Variants in SLC7A2 observed in about 807,000 individuals in gnomAD.
The protein encoded by SLC7A2 is solute carrier family 7 member 2, also known as cationic amino acid transporter 2.
In SLC7A2, 48 loss-of-function variants were observed where a neutral mutation model predicts 58.9. The ratio of observed to expected loss-of-function variants is 0.82; its 90% CI spans 0.65 to 1.04. SLC7A2 has a LOEUF of 1.04. Among genes scored for constraint, SLC7A2 ranks in the 50% least tolerant of loss-of-function variants. SLC7A2 has a pLI of 0.00. For synonymous variants in SLC7A2, 363 were observed against 314.5 expected, an observed-to-expected ratio of 1.15 and a Z score of -1.63; for missense variants, 1,029 against 818.8, an observed-to-expected ratio of 1.26 and a Z score of -3.13.
chr8:17,550,466 G>C, intron 6 of SLC7A2, 32 bp downstream of exon 6: 2 of 1,603,354 alleles, frequency 1.2e-6, no homozygotes, highest in East Asian at 2.2e-5. Context: ...AGTGTAGAAG[G>C]AGTGTTCCTT....
At chr8:17,560,761 C>T (rs962002965) in intron 10 of SLC7A2, among the ~76,000 whole-genome samples, 2 of 152,078 alleles carry the variant, frequency 1.3e-5, no homozygotes, top group African/African-American at 2.4e-5. Flanking sequence ...TACTTCAAGA[C>T]GAGAGTGACA....
chr8:17,499,282 C>G (rs1376462906), intron 1 of SLC7A2: 1 of 151,186 alleles, frequency 6.6e-6, no homozygotes, highest in Non-Finnish European at 1.5e-5. Flanking sequence ...CCCTCCCTCT[C>G]TATCCCTCTT....
At chr8:17,564,274 A>G (rs775739631) in intron 12 of SLC7A2, among the ~76,000 whole-genome samples, 3 of 152,330 alleles carry the variant, frequency 2.0e-5, no homozygotes, top group South Asian at 4.1e-4. Flanking sequence ...TTTATTCCAC[A>G]TATCATTTTG....
chr8:17,515,145 A>G (rs1380647557), intron 2 of SLC7A2, among the ~76,000 whole-genome samples: 1 of 152,170 alleles, frequency 6.6e-6, no homozygotes, highest in Non-Finnish European at 1.5e-5. Context: ...ACGTTTACCA[A>G]CTCAATATTT....
intron 2 of SLC7A2, among the ~76,000 whole-genome samples, chr8:17,504,518 G>T (rs1298451281): frequency 6.6e-6 from 1 of 152,152 alleles, no homozygotes; most frequent in Non-Finnish European, 1.5e-5. Flanking sequence ...AGGTCATTTT[G>T]AGTGACCAAA....
intron 2 of SLC7A2, among the ~76,000 whole-genome samples, chr8:17,536,932 T>A (rs1801691563): frequency 6.6e-6 from 1 of 152,204 alleles, no homozygotes; most frequent in East Asian, 1.9e-4. Context: ...CACCCAGCGT[T>A]AGAAGCGCAG....
chr8:17,502,585 C>G (rs928361030), intron 2 of SLC7A2, among the ~76,000 whole-genome samples: 1 of 152,186 alleles, frequency 6.6e-6, no homozygotes, highest in South Asian at 2.1e-4. Context: ...CACTGATTCA[C>G]TTTCCAGGTT....
Position 17,564,459 on chromosome 8 carries a change from G to T in SLC7A2, c.1781-491G>T, listed in dbSNP as rs77809178. ...ACCTTCTGTGGGGTATCTTACATTT[G>T]CATTTCATTCTTCTAAAGCAGCGGT... On this transcript the variant is annotated intron_variant, in intron 12 of 12. Transcript: ENST00000494857. Among the ~76,000 whole-genome samples the T allele has an allele frequency of 1.5e-3, 227 of 152,290 alleles. 1 individual carries two copies. Among genetic ancestry groups the T allele is most frequent in the Middle Eastern group, 0.014 (4 of 294 alleles).
intron 2 of SLC7A2, among the ~76,000 whole-genome samples, chr8:17,525,910 T>A (rs1449842298): frequency 6.6e-6 from 1 of 152,136 alleles, no homozygotes; most frequent in East Asian, 1.9e-4. Context: ...CAAGCTTTAC[T>A]TTTTGGTAGT....
intron 2 of SLC7A2, among the ~76,000 whole-genome samples, chr8:17,516,533 T>C (rs1563441881): frequency 1.3e-5 from 2 of 152,222 alleles, no homozygotes; most frequent in African/African-American, 4.8e-5. Context: ...CTATGTGTTG[T>C]CTGTTTTAAA....
chr8:17,545,623 C>T (rs1401836653), intron 4 of SLC7A2, among the ~76,000 whole-genome samples: 1 of 151,924 alleles, frequency 6.6e-6, no homozygotes, highest in Non-Finnish European at 1.5e-5. Flanking sequence ...GTCTCAAACT[C>T]CTGACCTCAA....
At chr8:17,494,665 C>A (rs939136520), upstream of SLC7A2, among the ~76,000 whole-genome samples, 1 of 152,168 alleles carries the variant, frequency 6.6e-6, no homozygotes, top group Non-Finnish European at 1.5e-5. Flanking sequence ...TTAAGAGACT[C>A]ATACTAAATC....
Position 17,543,320 on chromosome 8 carries a change from C to A in SLC7A2, c.-20C>A. On this transcript the variant is annotated splice_region_variant and 5_prime_UTR_variant, in exon 3 of 13. Transcript: ENST00000494857. ...CTAACCTCCTCCCTTCTGCTCAGGTCGCCTTCGTCAGACGTCAGAATGATT... is the reference window on the plus strand; with the variant it reads ...CTAACCTCCTCCCTTCTGCTCAGGTAGCCTTCGTCAGACGTCAGAATGATT... 1 of 1,598,124 alleles carries A rather than the reference C, an allele frequency of 6.3e-7. No homozygotes were observed. The highest frequency in any genetic ancestry group is 8.5e-7 in the Non-Finnish European group (1 of 1,172,540).
intron 2 of SLC7A2, among the ~76,000 whole-genome samples, chr8:17,523,107 G>A (rs1177948321): frequency 1.3e-5 from 2 of 152,008 alleles, no homozygotes; most frequent in African/African-American, 4.8e-5. Flanking sequence ...GTATACCCAT[G>A]TAACAAACCT....
chr8:17,542,236 T>G (rs763928219), intron 2 of SLC7A2, among the ~76,000 whole-genome samples: 11 of 152,226 alleles, frequency 7.2e-5, no homozygotes, highest in Non-Finnish European at 1.6e-4. Flanking sequence ...GTAGAATACG[T>G]AATGATTAAG....
At chr8:17,554,754 C>A in intron 8 of SLC7A2, 55 bp downstream of exon 8, 1 of 1,531,454 alleles carries the variant, frequency 6.5e-7, no homozygotes, top group South Asian at 1.3e-5. Flanking sequence ...ATCAAGGACT[C>A]TGCATTAAAA....
chr8:17,535,402 CAG>C, intron 2 of SLC7A2, among the ~76,000 whole-genome samples: 1 of 152,264 alleles, frequency 6.6e-6, no homozygotes, highest in East Asian at 1.9e-4. Context: ...CCGTCACAGT[CAG>C]AGTTAGGAGC....
chr8:17,516,785 G>C (rs938092626), intron 2 of SLC7A2, among the ~76,000 whole-genome samples: 10 of 152,146 alleles, frequency 6.6e-5, no homozygotes, highest in African/African-American at 2.2e-4. Context: ...GAAAAAGATG[G>C]TTTAAGCATT....
In SLC7A2 at chr8:17,565,056, A is replaced by G. The variant is rs764431189; in HGVS notation, c.1887A>G (p.Ala629=). 8 of 1,614,062 alleles carry G rather than the reference A, an allele frequency of 5.0e-6. No homozygotes were observed. The highest frequency in any genetic ancestry group is 2.2e-5 in the South Asian group (2 of 91,064). Residue 629 remains alanine, a synonymous_variant, in exon 13 of 13, where the codon GCA becomes GCG. Transcript: ENST00000494857. ...DAYPDNVHAA[A]EEKSAIQAND... is the part of the protein sequence containing the mutation. ...ATCCAGACAACGTTCATGCAGCAGC[A>G]GAAGAAAAATCTGCCATTCAAGCAA...
Sources: allele counts gnomAD v4.1 joint callset (sites outside exome capture counted in the v4.1 genomes callset), GRCh38; gene constraint gnomAD v4.1.1; transcripts MANE v1.5; gene names NCBI Gene and HGNC (gene_info 2026-07-23, HGNC 2026-07-21).